TANK: variants seen among roughly 807,000 people sequenced by gnomAD.
TANK encodes the protein TRAF family member-associated NF-kappa-B activator.
A neutral mutation model predicts 43.6 loss-of-function variants in TANK; 15 were observed. The ratio of observed to expected loss-of-function variants is 0.34; its 90% confidence interval spans 0.23 to 0.53. The LOEUF is 0.53. TANK is among the 20% of genes least tolerant of loss of function. TANK has a pLI of 0.94. For missense variants in TANK, 417 were observed against 498.6 expected (o/e 0.84, Z 1.56); for synonymous variants, 162 against 178.2 (o/e 0.91, Z 0.73).
At chr2:161,226,720 C>T (rs1687634749) in intron 6 of TANK, among the ~76,000 whole-genome samples, 1 of 152,062 alleles carries the variant, frequency 6.6e-6, no homozygotes, top group African/African-American at 2.4e-5. Flanking sequence ...CTACATATGG[C>T]AGTAGACTTA....
In TANK at chr2:161,160,440, G is replaced by A; in HGVS notation, c.-96G>A. On this transcript the variant is annotated 5_prime_UTR_variant, in exon 1 of 8. Transcript: ENST00000392749. ...TCCGGTTGGAGTCACTCGGCCAGGC[G>A]CCGGCGACCTGAGGGGAGAGGGAAC... 3 of 1,239,456 alleles carry A rather than the reference G, an allele frequency of 2.4e-6. No individual in the cohort carries two copies. The highest frequency in any genetic ancestry group is 3.0e-6 in the Non-Finnish European group (3 of 991,556). 76.8% of individuals were successfully genotyped at this position (1,239,456 alleles called of 1,614,324 possible). A position where few individuals can be genotyped will look rare whatever the true frequency, so the allele number is the denominator to read the frequency against.
intron 1 of TANK, among the ~76,000 whole-genome samples, chr2:161,174,517 T>G (rs1034827472): frequency 3.0e-4 from 46 of 152,210 alleles, no homozygotes; most frequent in Admixed American, 3.0e-3. Flanking sequence ...CAGCTACTGT[T>G]TTTAAATATA....
At position 161,235,954 on chromosome 2, in the gene TANK, T is replaced by C. The variant is rs964317668; in HGVS notation, c.*436T>C. The C allele has an allele frequency of 6.6e-6, 1 of 152,632 alleles. No individual in the cohort carries two copies. Among genetic ancestry groups the C allele is most frequent in the African/African-American group, 2.4e-5 (1 of 41,452 alleles). The allele number at this position is 152,632 out of a possible 1,614,324, so 9.5% of individuals were successfully genotyped here. ...TTGTTTTTATTGAAAAATTTAATTA[T>C]TTATGCTATAGGTGATATTCTCTTT... On this transcript the variant is annotated 3_prime_UTR_variant, in exon 8 of 8. Coordinates refer to ENST00000392749, the MANE Select transcript of TANK (RefSeq NM_001199135.3).
At chr2:161,188,107 G>C (rs928598236) in intron 2 of TANK, among the ~76,000 whole-genome samples, 1 of 151,972 alleles carries the variant, frequency 6.6e-6, no homozygotes, top group Non-Finnish European at 1.5e-5. Context: ...GAAGAAGAGA[G>C]ATCTCAAATC....
chr2:161,157,744 C>T (rs558676156), upstream of TANK, among the ~76,000 whole-genome samples: 7 of 152,278 alleles, frequency 4.6e-5, no homozygotes, highest in East Asian at 1.9e-4. Flanking sequence ...AGTGCAGTGG[C>T]GTGATCTTGG....
intron 4 of TANK, among the ~76,000 whole-genome samples, chr2:161,211,017 G>A (rs1291410054): frequency 1.3e-5 from 2 of 152,162 alleles, no homozygotes; most frequent in Non-Finnish European, 2.9e-5. Context: ...TGAGGGTTTT[G>A]AATGAGCCAT....
chr2:161,162,945 A>G (rs1004188016), intron 1 of TANK: 1 of 152,104 alleles, frequency 6.6e-6, no homozygotes, highest in Admixed American at 6.5e-5. Context: ...TTCATCTTTG[A>G]CCTAACAGGA....
At chr2:161,160,389 C>A, upstream of TANK, 1 of 1,236,972 alleles carries the variant, frequency 8.1e-7, no homozygotes, top group South Asian at 3.7e-5. Context: ...CAGGCACTGC[C>A]CTCTGAACTG....
chr2:161,190,445 A>C (rs975620262), intron 2 of TANK, among the ~76,000 whole-genome samples: 9 of 152,160 alleles, frequency 5.9e-5, no homozygotes, highest in African/African-American at 1.9e-4. Context: ...CAATCCTACT[A>C]CTCTTGGTTA....
chr2:161,175,607 A>C (rs1435379454), intron 1 of TANK, among the ~76,000 whole-genome samples: 2 of 152,116 alleles, frequency 1.3e-5, no homozygotes, highest in Non-Finnish European at 2.9e-5. Flanking sequence ...AGCTTTACCA[A>C]AGGAAGAGAA....
intron 7 of TANK, 136 bp from the exon 8 acceptor site, chr2:161,235,206 G>A (rs942890425): frequency 8.5e-5 from 59 of 695,754 alleles, no homozygotes; most frequent in Non-Finnish European, 1.0e-4. Flanking sequence ...CTAACTTTAC[G>A]GAAAAGTAAT....
chr2:161,223,853 C>G, intron 4 of TANK, 62 bp from the exon 5 acceptor site: 2 of 1,120,316 alleles, frequency 1.8e-6, no homozygotes, highest in Non-Finnish European at 2.6e-6. Context: ...TCTCTTTACT[C>G]GACCTCATTT....
chr2:161,183,947 G>A (rs1573999287), intron 2 of TANK, among the ~76,000 whole-genome samples: 1 of 151,936 alleles, frequency 6.6e-6, no homozygotes, highest in East Asian at 1.9e-4. Flanking sequence ...TACTATAATA[G>A]AGATCAGTAT....
chr2:161,221,738 A>G (rs1687354783), intron 4 of TANK, among the ~76,000 whole-genome samples: 2 of 151,980 alleles, frequency 1.3e-5, no homozygotes, highest in Admixed American at 1.3e-4. Flanking sequence ...CCGGGAACTC[A>G]GAATTTTCAT....
In TANK at chr2:161,236,094, A is replaced by G. The variant is rs1297860174; in HGVS notation, c.*576A>G. On this transcript the variant is annotated 3_prime_UTR_variant, in exon 8 of 8. Coordinates refer to ENST00000392749, the MANE Select transcript of TANK (RefSeq NM_001199135.3). ...TGGTAGAATTATTTAAACACTTTAG[A>G]TTTTTAAATAATATACATGGCTTTA... 1 of 151,948 alleles carries G rather than the reference A, an allele frequency of 6.6e-6. No homozygotes were observed. Among genetic ancestry groups the G allele is most frequent in the Non-Finnish European group, 1.5e-5 (1 of 67,986 alleles). The allele number at this position is 151,948 out of a possible 1,614,324, so 9.4% of individuals were successfully genotyped here.
intron 2 of TANK, among the ~76,000 whole-genome samples, chr2:161,195,304 T>A (rs1461002808): frequency 1.3e-5 from 2 of 152,156 alleles, no homozygotes; most frequent in Non-Finnish European, 2.9e-5. Context: ...CAGAGACTAA[T>A]CAAACAATCT....
chr2:161,216,974 A>G (rs376714963), intron 4 of TANK, among the ~76,000 whole-genome samples: 5 of 152,292 alleles, frequency 3.3e-5, no homozygotes, highest in South Asian at 4.1e-4. Context: ...TACTTTATAG[A>G]CGGAATGCTG....
In TANK at chr2:161,204,657, G is replaced by C. The variant is rs1017156607; in HGVS notation, c.209-18G>C. ...ATAAGGGTTTTCTGCTAATGTCCAAGAGGTTTTTGTCTTGCAGATAACAAT... is the reference window on the plus strand; with the variant it reads ...ATAAGGGTTTTCTGCTAATGTCCAACAGGTTTTTGTCTTGCAGATAACAAT... On this transcript the variant is annotated intron_variant, in intron 3 of 7. Coordinates refer to ENST00000392749, the MANE Select transcript of TANK (RefSeq NM_001199135.3). The C allele has an allele frequency of 6.3e-7, 1 of 1,596,264 alleles. No homozygotes were observed. Among genetic ancestry groups the C allele is most frequent in the Non-Finnish European group, 8.5e-7 (1 of 1,173,830 alleles).
chr2:161,181,137 A>G (rs1685404049), intron 2 of TANK, among the ~76,000 whole-genome samples: 1 of 152,058 alleles, frequency 6.6e-6, no homozygotes, highest in Non-Finnish European at 1.5e-5. Flanking sequence ...GAACTACTTG[A>G]CGGCCATGCA....
Sources: gnomAD v4.1 joint callset for allele counts (sites outside exome capture counted in the v4.1 genomes callset) on GRCh38, gnomAD v4.1.1 for gene constraint, MANE v1.5 for transcripts, NCBI Gene and HGNC (gene_info 2026-07-23, HGNC 2026-07-21) for gene names.